Variants in ADK observed in about 807,000 individuals in gnomAD.
The protein encoded by ADK is adenosine kinase, also known as N6,N6-dimethyladenosine kinase.
A neutral mutation model predicts 44.7 loss-of-function variants in ADK; 24 were observed. That is an observed-to-expected ratio of 0.54 (90% CI 0.39 to 0.76). The LOEUF (loss-of-function observed/expected upper bound fraction) is 0.76, where lower values mean the gene tolerates loss of function less well. Among genes scored for constraint, ADK ranks in the 30% least tolerant of loss-of-function variants. The probability of loss-of-function intolerance (pLI) is 0.00; values close to 1 mark genes in which losing one functional copy is unlikely to be tolerated. For missense variants in ADK, 321 were observed against 425.1 expected (o/e 0.76, Z 2.15); for synonymous variants, 128 against 142.6 (o/e 0.90, Z 0.73).
chr10:74,298,731 C>A (rs1839900247), intron 3 of ADK, among the ~76,000 whole-genome samples: 1 of 150,946 alleles, frequency 6.6e-6, no homozygotes, highest in South Asian at 2.1e-4. Flanking sequence ...AATGGCAAGA[C>A]CCTATCTCTA....
chr10:74,679,054 C>G (rs1319633344), intron 10 of ADK, among the ~76,000 whole-genome samples: 4 of 152,200 alleles, frequency 2.6e-5, no homozygotes, highest in African/African-American at 9.7e-5. Context: ...TTCCTCTGGC[C>G]TTAGAGTGTT....
chr10:74,588,293 A>C (rs935112512), intron 7 of ADK, among the ~76,000 whole-genome samples: 10 of 152,194 alleles, frequency 6.6e-5, no homozygotes, highest in African/African-American at 2.2e-4. Flanking sequence ...TTTTCATTTC[A>C]GATTCAAATT....
chr10:74,306,936 T>G (rs1052496195), intron 3 of ADK, among the ~76,000 whole-genome samples: 1 of 152,228 alleles, frequency 6.6e-6, no homozygotes, highest in Admixed American at 6.5e-5. Flanking sequence ...AATGATCTTT[T>G]GTTTTAGGTT....
chr10:74,678,280 C>CAT (rs1855479949), intron 10 of ADK, among the ~76,000 whole-genome samples: 1 of 152,124 alleles, frequency 6.6e-6, no homozygotes, highest in Non-Finnish European at 1.5e-5. Context: ...GTTATACATC[C>CAT]AGAGTCTTAG....
At chr10:74,629,096 C>A (rs1049473084) in intron 9 of ADK, among the ~76,000 whole-genome samples, 5 of 151,846 alleles carry the variant, frequency 3.3e-5, no homozygotes, top group Non-Finnish European at 7.4e-5. Flanking sequence ...GTGGAGTGAT[C>A]TTAGCTCACT....
At chr10:74,185,911 G>A (rs1842742107) in intron 1 of ADK, among the ~76,000 whole-genome samples, 1 of 146,364 alleles carries the variant, frequency 6.8e-6, no homozygotes, top group Non-Finnish European at 1.5e-5. Context: ...GCAGCTGCCC[G>A]ATCTCGGCTC....
intron 6 of ADK, among the ~76,000 whole-genome samples, chr10:74,505,075 C>T (rs978581278): frequency 6.6e-6 from 1 of 151,976 alleles, no homozygotes; most frequent in African/African-American, 2.4e-5. Context: ...CTTCCTGTCT[C>T]AGGGGTAGCA....
intron 6 of ADK, among the ~76,000 whole-genome samples, chr10:74,443,541 A>G (rs1845495520): frequency 6.6e-6 from 1 of 152,170 alleles, no homozygotes; most frequent in South Asian, 2.1e-4. Flanking sequence ...TTAGGCTGAA[A>G]GTGTTGTGGG....
chr10:74,567,340 CTAAA>C (rs1199699490), intron 7 of ADK, among the ~76,000 whole-genome samples: 2 of 152,296 alleles, frequency 1.3e-5, no homozygotes, highest in South Asian at 2.1e-4. Context: ...CATACTGCTG[CTAAA>C]TAATCTTTCT....
intron 4 of ADK, among the ~76,000 whole-genome samples, chr10:74,339,106 A>G (rs943579857): frequency 9.2e-5 from 14 of 152,118 alleles, no homozygotes; most frequent in Non-Finnish European, 2.1e-4. Flanking sequence ...GGTGCATGCC[A>G]CCATGGCTCG....
chr10:74,218,826 T>C (rs935172755), intron 2 of ADK, among the ~76,000 whole-genome samples: 20 of 151,932 alleles, frequency 1.3e-4, no homozygotes, highest in Non-Finnish European at 1.2e-4. Context: ...GCTAAGAGAT[T>C]TTGTCACCAC....
At chr10:74,406,352 T>TTA (rs1843924364) in intron 6 of ADK, among the ~76,000 whole-genome samples, 1 of 152,128 alleles carries the variant, frequency 6.6e-6, no homozygotes. Context: ...TTTAAGATGT[T>TTA]TATCACTGAT....
At chr10:74,701,134 A>C (rs760095337) in intron 10 of ADK, among the ~76,000 whole-genome samples, 2 of 152,236 alleles carry the variant, frequency 1.3e-5, no homozygotes, top group African/African-American at 2.4e-5. Flanking sequence ...TAAACAAATA[A>C]ATTTGTTGAT....
intron 1 of ADK, among the ~76,000 whole-genome samples, chr10:74,188,153 T>C (rs1257548520): frequency 1.3e-5 from 2 of 152,166 alleles, no homozygotes; most frequent in Non-Finnish European, 2.9e-5. Context: ...TGTTGAGTTG[T>C]TATAAAGTTC....
intron 6 of ADK, among the ~76,000 whole-genome samples, chr10:74,435,907 A>G (rs1176428845): frequency 6.6e-6 from 1 of 152,246 alleles, no homozygotes; most frequent in African/African-American, 2.4e-5. Context: ...AAGAAATACT[A>G]AAGAAAATTC....
chr10:74,499,616 A>G (rs895912943), intron 6 of ADK, among the ~76,000 whole-genome samples: 9 of 151,966 alleles, frequency 5.9e-5, no homozygotes, highest in Admixed American at 5.9e-4. Context: ...TGAACCCGGG[A>G]GGCGGAGCTT....
rs373456745 is a variant in ADK at position 74,233,137 on chromosome 10, G to A, written c.194+8546G>A. Among the ~76,000 whole-genome samples the A allele has an allele frequency of 9.2e-5, 14 of 152,226 alleles. No homozygotes were observed. The East Asian group carries it at 1.9e-3, about 21-fold the overall frequency. Reference sequence around the variant, plus strand: ...TTTTGCCATAGGCTGTAGTCTTGGGGTATTAGTTAGAATTCAATGCCACTA... The same window carrying A: ...TTTTGCCATAGGCTGTAGTCTTGGGATATTAGTTAGAATTCAATGCCACTA... On this transcript the variant is annotated intron_variant, in intron 3 of 10. Coordinates refer to ENST00000539909, the MANE Select transcript of ADK (RefSeq NM_006721.4).
chr10:74,568,182 T>C (rs969271208), intron 7 of ADK, among the ~76,000 whole-genome samples: 2 of 152,128 alleles, frequency 1.3e-5, no homozygotes, highest in Admixed American at 1.3e-4. Flanking sequence ...TCAGCTGTTG[T>C]TAGTGTTTGT....
chr10:74,542,874 A>C (rs1467245151), intron 7 of ADK, among the ~76,000 whole-genome samples: 1 of 151,252 alleles, frequency 6.6e-6, no homozygotes, highest in Non-Finnish European at 1.5e-5. Context: ...CTCATTTTTA[A>C]TTTTATTTTA....
Sources: allele counts gnomAD v4.1 joint callset (sites outside exome capture counted in the v4.1 genomes callset), GRCh38; gene constraint gnomAD v4.1.1; transcripts MANE v1.5; gene names NCBI Gene and HGNC (gene_info 2026-07-23, HGNC 2026-07-21).